TCF4: variants seen among roughly 807,000 people sequenced by gnomAD.
The protein encoded by TCF4 is SL3-3 enhancer factor 2.
In TCF4, 3 loss-of-function variants were observed where a neutral mutation model predicts 82.1. The ratio of observed to expected loss-of-function variants is 0.04; its 90% CI spans 0.02 to 0.09. TCF4 has a LOEUF of 0.09. Among genes scored for constraint, TCF4 ranks in the 10% least tolerant of loss-of-function variants. The pLI is 1.00. For missense variants in TCF4, 518 were observed against 852.7 expected, an observed-to-expected ratio of 0.61 and a Z score of 4.89; for synonymous variants, 276 against 309.6, an observed-to-expected ratio of 0.89 and a Z score of 1.14.
chr18:55,492,870 T>C (rs2096590556), intron 3 of TCF4, among the ~76,000 whole-genome samples: 2 of 152,196 alleles, frequency 1.3e-5, no homozygotes, highest in South Asian at 4.1e-4. Context: ...AAGGCTCTGC[T>C]CTATACTCAC....
At chr18:55,615,272 T>G (rs1200256148) in intron 2 of TCF4, among the ~76,000 whole-genome samples, 2 of 152,154 alleles carry the variant, frequency 1.3e-5, no homozygotes, top group East Asian at 3.8e-4. Flanking sequence ...TAGTTTTCAG[T>G]GTACAACACT....
At chr18:55,613,309 G>A (rs2097708907) in intron 2 of TCF4, among the ~76,000 whole-genome samples, 1 of 151,934 alleles carries the variant, frequency 6.6e-6, no homozygotes, top group African/African-American at 2.4e-5. Flanking sequence ...CCAATAGTCT[G>A]CTTTCTGCCA....
intron 8 of TCF4, chr18:55,322,104 CCTTTTTTTTTTT>C (rs1190045634): frequency 2.0e-6 from 2 of 981,004 alleles, no homozygotes; most frequent in African/African-American, 4.0e-5. Context: ...TTTTTTTTTT[CCTTTTTTTTTTT>C]TTTTTTGTTT....
intron 18 of TCF4, among the ~76,000 whole-genome samples, chr18:55,228,567 T>C (rs2046993291): frequency 6.6e-6 from 1 of 152,178 alleles, no homozygotes; most frequent in Non-Finnish European, 1.5e-5. Context: ...CACTTTACAG[T>C]AAGCAAAGGT....
intron 8 of TCF4, among the ~76,000 whole-genome samples, chr18:55,296,885 G>A (rs772174429): frequency 1.3e-5 from 2 of 152,132 alleles, no homozygotes; most frequent in African/African-American, 2.4e-5. Flanking sequence ...ATTTGCCGTT[G>A]AACTAGAAGG....
chr18:55,238,304 T>G (rs976072721), intron 15 of TCF4, among the ~76,000 whole-genome samples: 3 of 152,224 alleles, frequency 2.0e-5, no homozygotes, highest in Admixed American at 6.5e-5. Flanking sequence ...TATAATGCAG[T>G]TTTAGTGATA....
intron 3 of TCF4, among the ~76,000 whole-genome samples, chr18:55,563,219 A>G (rs1039199926): frequency 2.0e-5 from 3 of 149,276 alleles, no homozygotes; most frequent in Non-Finnish European, 4.4e-5. Context: ...ATCCCAGGCA[A>G]CAGAGTGAGA....
chr18:55,279,477 C>T, intron 9 of TCF4, 74 bp downstream of exon 9: 1 of 1,605,158 alleles, frequency 6.2e-7, no homozygotes, highest in Non-Finnish European at 8.5e-7. Flanking sequence ...ATTTCTTCTG[C>T]CCCATCTGTG....
chr18:55,490,054 G>A (rs1050279967), intron 3 of TCF4, among the ~76,000 whole-genome samples: 1 of 152,130 alleles, frequency 6.6e-6, no homozygotes, highest in Admixed American at 6.5e-5. Context: ...AAACCTTTTT[G>A]TGGGTAAAAT....
chr18:55,508,394 A>AT (rs2096787842), intron 3 of TCF4, among the ~76,000 whole-genome samples: 2 of 152,074 alleles, frequency 1.3e-5, no homozygotes, highest in Admixed American at 1.3e-4. Context: ...ATTTTGTTGG[A>AT]TTTTCAAATG....
intron 3 of TCF4, among the ~76,000 whole-genome samples, chr18:55,531,000 G>C (rs1041824531): frequency 1.3e-5 from 2 of 151,874 alleles, no homozygotes; most frequent in African/African-American, 4.8e-5. Flanking sequence ...CATCCAGGCG[G>C]GAGTGCAGTG....
chr18:55,581,715 A>G (rs1353457116), intron 3 of TCF4, among the ~76,000 whole-genome samples: 2 of 152,070 alleles, frequency 1.3e-5, no homozygotes, highest in Non-Finnish European at 2.9e-5. Flanking sequence ...TGAATTCACT[A>G]AATTGGCATA....
chr18:55,299,544 T>G (rs1276173568), intron 8 of TCF4, among the ~76,000 whole-genome samples: 1 of 151,994 alleles, frequency 6.6e-6, no homozygotes, highest in Non-Finnish European at 1.5e-5. Context: ...GATACCACAT[T>G]ATTGTTTCAA....
intron 14 of TCF4, among the ~76,000 whole-genome samples, chr18:55,256,250 G>C (rs1180016229): frequency 6.6e-6 from 1 of 152,088 alleles, no homozygotes; most frequent in African/African-American, 2.4e-5. Flanking sequence ...TGGAAGCTGT[G>C]GCCCATAACT....
chr18:55,514,376 T>A (rs1369637890), intron 3 of TCF4, among the ~76,000 whole-genome samples: 1 of 148,270 alleles, frequency 6.7e-6, no homozygotes, highest in East Asian at 2.0e-4. Context: ...CACATGCACA[T>A]CCATGAGCAT....
rs145944995 is a variant in TCF4 at position 55,276,891 on chromosome 18, T to C, written c.656-1139A>G. On this transcript the variant is annotated intron_variant, in intron 9 of 19. Coordinates refer to ENST00000354452, the MANE Select transcript of TCF4 (RefSeq NM_001083962.2). ...TCATTGAGTTCTTAAATCCGGAAGT[T>C]AGAATTTTGTAACTGGACTCATTTC... is the stretch of plus-strand genomic sequence containing the variant. Among the ~76,000 whole-genome samples, 1,098 of 152,302 alleles carry C rather than the reference T, an allele frequency of 7.2e-3. 18 individuals carry two copies. The highest frequency in any genetic ancestry group is 0.025 in the African/African-American group (1,037 of 41,574).
At chr18:55,613,184 C>G (rs1444828662) in intron 2 of TCF4, among the ~76,000 whole-genome samples, 1 of 151,576 alleles carries the variant, frequency 6.6e-6, no homozygotes, top group Non-Finnish European at 1.5e-5. Flanking sequence ...ATATATATGC[C>G]CATGAATAAG....
At chr18:55,532,283 C>CTCA (rs928956278) in intron 3 of TCF4, among the ~76,000 whole-genome samples, 15 of 152,090 alleles carry the variant, frequency 9.9e-5, no homozygotes, top group Admixed American at 2.6e-4. Context: ...CATTGCCATC[C>CTCA]TCATCATCAT....
intron 2 of TCF4, among the ~76,000 whole-genome samples, chr18:55,618,893 C>A (rs1440017056): frequency 6.6e-6 from 1 of 151,864 alleles, no homozygotes; most frequent in African/African-American, 2.4e-5. Context: ...GACCTCTATT[C>A]TTTATTTTGT....
Sources: gnomAD v4.1 joint callset for allele counts (sites outside exome capture counted in the v4.1 genomes callset) on GRCh38, gnomAD v4.1.1 for gene constraint, MANE v1.5 for transcripts, NCBI Gene and HGNC (gene_info 2026-07-23, HGNC 2026-07-21) for gene names.